The following SIM2 variants were observed in gnomAD, a reference collection of about 807,000 sequenced individuals.
SIM2 encodes single-minded homolog 2.
A neutral mutation model predicts 64.8 loss-of-function variants in SIM2; 28 were observed. The observed-to-expected ratio is 0.43, with a 90% CI of 0.32 to 0.59. SIM2 has a LOEUF of 0.59. Ranked by LOEUF, SIM2 falls within the 20% of genes least tolerant of loss-of-function variation. SIM2 has a pLI of 0.07. For missense variants in SIM2, 847 were observed against 871.4 expected (o/e 0.97, Z 0.35); for synonymous variants, 408 against 391.1 (o/e 1.04, Z -0.51).
In SIM2 at chr21:36,709,210, T is replaced by C; in HGVS notation, c.218T>C (p.Leu73Pro). The change falls in exon 2 of 11, where the codon CTG (leucine) becomes CCG (proline). Residue 73 changes from leucine to proline, a missense_variant. Transcript: ENST00000290399. ...AWGQPSRAGP[L>P]DGVAKELGSH... is the part of the protein sequence containing the mutation. ...GGACAGCCGAGCCGCGCCGGGCCCC[T>C]GGACGGCGTCGCCAAGGAGCTGGGA... 2 of 1,610,584 alleles carry C rather than the reference T, an allele frequency of 1.2e-6. No individual in the cohort carries two copies. The highest frequency in any genetic ancestry group is 2.7e-5 in the African/African-American group (2 of 74,990).
At chr21:36,703,890 C>T (rs770147911) in intron 1 of SIM2, among the ~76,000 whole-genome samples, 4 of 152,242 alleles carry the variant, frequency 2.6e-5, no homozygotes, top group Non-Finnish European at 5.9e-5. Context: ...CTCTGCCCAT[C>T]GGAGGTCAGA....
chr21:36,709,074 C>A, intron 1 of SIM2, 94 bp from the exon 2 acceptor site: 2 of 1,097,290 alleles, frequency 1.8e-6, no homozygotes, highest in Non-Finnish European at 1.3e-6. Flanking sequence ...GTGGGGAGGG[C>A]TGGCAGGGTG....
At position 36,745,803 on chromosome 21, in the gene SIM2, A is replaced by C; in HGVS notation, c.1576+667A>C. 3 of 1,303,848 alleles carry C rather than the reference A, an allele frequency of 2.3e-6. No homozygotes were observed. Among genetic ancestry groups the C allele is most frequent in the Non-Finnish European group, 3.0e-6 (3 of 988,668 alleles). 80.8% of individuals were successfully genotyped at this position (1,303,848 alleles called of 1,614,324 possible). A position where few individuals can be genotyped will look rare whatever the true frequency, so the allele number is the denominator to read the frequency against. ...CCTTCTCCTGGTGGCAGGCAAGCAGATGTCCTCTGCGGAGATACCGCCAGC... is the reference window on the plus strand; with the variant it reads ...CCTTCTCCTGGTGGCAGGCAAGCAGCTGTCCTCTGCGGAGATACCGCCAGC... On this transcript the variant is annotated intron_variant, in intron 10 of 10. Coordinates refer to ENST00000290399, the MANE Select transcript of SIM2 (RefSeq NM_005069.6). This position sits in a 1 kb window ranked among gnomAD's most constrained non-coding sequence, Gnocchi z 4.8.
In SIM2 at chr21:36,748,625, G is replaced by A. The variant is rs1287069376; in HGVS notation, c.*533G>A. ...CACTGTCTTTAAAAGTCATTCAAGA[G>A]TCTCATTATTTTTGTTTTTATTTAA... On this transcript the variant is annotated 3_prime_UTR_variant, in exon 11 of 11. Transcript: ENST00000290399. The A allele has an allele frequency of 6.6e-6, 1 of 152,278 alleles. No individual in the cohort carries two copies. The highest frequency in any genetic ancestry group is 1.9e-4 in the East Asian group (1 of 5,206). 9.4% of individuals were successfully genotyped at this position (152,278 alleles called of 1,614,324 possible). A position where few individuals can be genotyped will look rare whatever the true frequency, so the allele number is the denominator to read the frequency against.
At chr21:36,730,032 C>T (rs561053999) in intron 6 of SIM2, among the ~76,000 whole-genome samples, 3 of 152,294 alleles carry the variant, frequency 2.0e-5, no homozygotes, top group South Asian at 2.1e-4. Flanking sequence ...TATCTTAGGG[C>T]GTTATCCTGT....
rs1225335960 is a variant in SIM2, at chr21:36,726,509, CTTTA to C, written c.743+196_743+199del. On this transcript the variant is annotated intron_variant, in intron 6 of 10. Transcript: ENST00000290399. The surrounding 1 kb of genome is among the most constrained non-coding windows in gnomAD (Gnocchi z 4.5). The stretch of plus-strand genomic sequence containing the variant: ...CCTTAGGACTCAAGGGCTTGTTTTA[CTTTA>C]TTTACTTATTGATTTACTTATTTTA... Among the ~76,000 whole-genome samples the C allele has an allele frequency of 1.3e-5, 2 of 152,328 alleles. No individual in the cohort carries two copies. Among genetic ancestry groups the C allele is most frequent in the East Asian group, 1.9e-4 (1 of 5,182 alleles).
At chr21:36,737,984 C>CAAAAAAAAAAAAAAAAAAA (rs71326699) in intron 7 of SIM2, among the ~76,000 whole-genome samples, 5 of 90,248 alleles carry the variant, frequency 5.5e-5, no homozygotes, top group South Asian at 3.8e-4. Flanking sequence ...AAAAAAAAAG[C>CAAAAAAAAAAAAAAAAAAA]AAAAAAAAAG....
chr21:36,704,147 T>G (rs932892643), intron 1 of SIM2, among the ~76,000 whole-genome samples: 1 of 152,296 alleles, frequency 6.6e-6, no homozygotes, highest in African/African-American at 2.4e-5. Flanking sequence ...AGTGCCTGGG[T>G]GCCTTTGGGT....
intron 1 of SIM2, among the ~76,000 whole-genome samples, chr21:36,702,329 G>A (rs1283503816): frequency 6.6e-6 from 1 of 152,228 alleles, no homozygotes; most frequent in Non-Finnish European, 1.5e-5. Context: ...TTTGGCCCTA[G>A]AGTTTTGGAA....
Position 36,747,668 on chromosome 21 carries a change from C to T in SIM2, c.1580C>T (p.Pro527Leu). Reference sequence around the variant, plus strand: ...AACGTGTCGCCTGTCCCCGCAGCGCCCGCCGCCGCCGTGCGCAGGTTCGGC... The same window carrying T: ...AACGTGTCGCCTGTCCCCGCAGCGCTCGCCGCCGCCGTGCGCAGGTTCGGC... Reference protein sequence around the residue: ...RHSLVPSYEAPAAAVRRFGED... With the variant: ...RHSLVPSYEALAAAVRRFGED... The change falls in exon 11 of 11, where the codon CCC (proline) becomes CTC (leucine). Residue 527 changes from proline to leucine, a missense_variant. Coordinates refer to ENST00000290399, the MANE Select transcript of SIM2 (RefSeq NM_005069.6). The surrounding 1 kb of genome is among the most constrained non-coding windows in gnomAD (Gnocchi z 4.5). The T allele has an allele frequency of 8.0e-7, 1 of 1,246,938 alleles. No homozygotes were observed. The allele number at this position is 1,246,938 out of a possible 1,614,324, so 77.2% of individuals were successfully genotyped here. A position where few individuals can be genotyped will look rare whatever the true frequency, so the allele number is the denominator to read the frequency against.
At chr21:36,721,853 G>T (rs2088826883) in intron 4 of SIM2, among the ~76,000 whole-genome samples, 1 of 152,200 alleles carries the variant, frequency 6.6e-6, no homozygotes, top group South Asian at 2.1e-4. Context: ...GAGAGCAAAT[G>T]AGTCTTGGGA....
At chr21:36,742,439 A>G (rs150048079) in intron 8 of SIM2, among the ~76,000 whole-genome samples, 226 of 99,482 alleles carry the variant, frequency 2.3e-3, no homozygotes, top group Admixed American at 4.5e-3. Flanking sequence ...ATGTTTTTGT[A>G]GAGACGGGGT....
At chr21:36,714,798 T>G (rs2088723249) in intron 3 of SIM2, among the ~76,000 whole-genome samples, 1 of 152,194 alleles carries the variant, frequency 6.6e-6, no homozygotes, top group African/African-American at 2.4e-5. Flanking sequence ...ATAAACACAA[T>G]AATTAAGAAG....
At chr21:36,721,056 G>T (rs1274508216) in intron 4 of SIM2, among the ~76,000 whole-genome samples, 2 of 152,222 alleles carry the variant, frequency 1.3e-5, no homozygotes, top group African/African-American at 2.4e-5. Context: ...GCTGGGAAGA[G>T]AGAATACAAA....
chr21:36,700,112 C>T (rs1002184356), intron 1 of SIM2, among the ~76,000 whole-genome samples, 191 bp downstream of exon 1: 1 of 152,180 alleles, frequency 6.6e-6, no homozygotes, highest in Non-Finnish European at 1.5e-5. Flanking sequence ...CCTTGGCGGC[C>T]CAGGCGACCA....
chr21:36,722,767 G>C (rs560600111), intron 4 of SIM2, among the ~76,000 whole-genome samples: 1 of 152,162 alleles, frequency 6.6e-6, no homozygotes, highest in African/African-American at 2.4e-5. Flanking sequence ...AGCGGGCGAC[G>C]GCAGGTGGAG....
intron 3 of SIM2, among the ~76,000 whole-genome samples, chr21:36,717,832 C>T (rs2123446364): frequency 6.6e-6 from 1 of 152,312 alleles, no homozygotes; most frequent in East Asian, 1.9e-4. Flanking sequence ...ATGGTCCTGT[C>T]CCAAATGGCT....
In SIM2 at chr21:36,749,678, G is replaced by T. The variant is rs561170976; in HGVS notation, c.*1586G>T. 1 of 152,132 alleles carries T rather than the reference G, an allele frequency of 6.6e-6. No homozygotes were observed. Among genetic ancestry groups the T allele is most frequent in the Non-Finnish European group, 1.5e-5 (1 of 68,020 alleles). 9.4% of individuals were successfully genotyped at this position (152,132 alleles called of 1,614,324 possible). A position where few individuals can be genotyped will look rare whatever the true frequency, so the allele number is the denominator to read the frequency against. ...TGAGTGTGTGCACAGGAAATAAGCC[G>T]AGGGTATTATTTTTTTATGTTCATG... On this transcript the variant is annotated 3_prime_UTR_variant, in exon 11 of 11. Coordinates refer to ENST00000290399, the MANE Select transcript of SIM2 (RefSeq NM_005069.6).
rs1445096728 is a variant in SIM2 at position 36,748,328 on chromosome 21, G to A, written c.*236G>A. 1.5e-5 allele frequency: 3 copies of A among 205,812 alleles called. No individual in the cohort carries two copies. Among genetic ancestry groups the A allele is most frequent in the African/African-American group, 7.0e-5 (3 of 42,942 alleles). 12.7% of individuals were successfully genotyped at this position (205,812 alleles called of 1,614,324 possible). A position where few individuals can be genotyped will look rare whatever the true frequency, so the allele number is the denominator to read the frequency against. ...GCCTCTGTCCTGCGAGGGCCGGTGC[G>A]ACCCAGTTGCTGGGGGCTTGGTTTC... is the stretch of plus-strand genomic sequence containing the variant. On this transcript the variant is annotated 3_prime_UTR_variant, in exon 11 of 11. Coordinates refer to ENST00000290399, the MANE Select transcript of SIM2 (RefSeq NM_005069.6).
Sources: gnomAD v4.1 joint callset for allele counts (sites outside exome capture counted in the v4.1 genomes callset) on GRCh38, gnomAD v4.1.1 for gene constraint, Gnocchi (gnomAD v3.1) non-coding constraint, MANE v1.5 for transcripts, NCBI Gene and HGNC (gene_info 2026-07-23, HGNC 2026-07-21) for gene names.